Variants in CENPP observed in about 807,000 individuals in gnomAD.
CENPP encodes centromere protein P.
CENPP carries 24 observed loss-of-function variants against 35.6 expected under a neutral mutation model. That is an observed-to-expected ratio of 0.67 (90% CI 0.49 to 0.95). The LOEUF (loss-of-function observed/expected upper bound fraction) is 0.95, where lower values mean the gene tolerates loss of function less well. Ranked by LOEUF, CENPP falls within the 40% of genes least tolerant of loss-of-function variation. CENPP has a pLI of 0.00. For missense variants in CENPP, 332 were observed against 345.3 expected (o/e 0.96, Z 0.31); for synonymous variants, 120 against 125.5 (o/e 0.96, Z 0.29).
chr9:92,567,294 A>C (rs1210660804), intron 5 of CENPP, among the ~76,000 whole-genome samples: 1 of 149,796 alleles, frequency 6.7e-6, no homozygotes, highest in African/African-American at 2.5e-5. Context: ...CGTTTTCAAC[A>C]TGATTATAAG....
intron 5 of CENPP, among the ~76,000 whole-genome samples, chr9:92,596,088 C>A (rs1038469077): frequency 3.3e-5 from 5 of 152,022 alleles, no homozygotes; most frequent in Non-Finnish European, 7.4e-5. Context: ...TTATCAGGCA[C>A]CCTGCCAAAA....
intron 5 of CENPP, among the ~76,000 whole-genome samples, chr9:92,588,729 A>G (rs1419539120): frequency 1.3e-5 from 2 of 152,202 alleles, no homozygotes; most frequent in Non-Finnish European, 2.9e-5. Flanking sequence ...AAATAGCTGT[A>G]ATCAACAAAA....
chr9:92,381,059 A>G (rs1256171112), intron 5 of CENPP, among the ~76,000 whole-genome samples: 1 of 152,204 alleles, frequency 6.6e-6, no homozygotes, highest in Non-Finnish European at 1.5e-5. Context: ...TTTTGTAACC[A>G]TCACCACTGT....
At chr9:92,333,205 A>G (rs1168990360) in intron 2 of CENPP, among the ~76,000 whole-genome samples, 2 of 152,236 alleles carry the variant, frequency 1.3e-5, no homozygotes, top group Non-Finnish European at 2.9e-5. Flanking sequence ...CAAGAATAAC[A>G]TTCCCAAAAG....
intron 5 of CENPP, among the ~76,000 whole-genome samples, chr9:92,477,725 C>T (rs1845761156): frequency 6.6e-6 from 1 of 152,090 alleles, no homozygotes; most frequent in Non-Finnish European, 1.5e-5. Context: ...TCCCACACTT[C>T]CCTACTCAAA....
At chr9:92,405,554 G>A (rs966665501) in intron 5 of CENPP, among the ~76,000 whole-genome samples, 5 of 152,114 alleles carry the variant, frequency 3.3e-5, no homozygotes, top group African/African-American at 1.2e-4. Flanking sequence ...TCTGGCTTGA[G>A]TTGATATAAA....
At chr9:92,468,025 A>G (rs1845376922) in intron 5 of CENPP, among the ~76,000 whole-genome samples, 1 of 152,228 alleles carries the variant, frequency 6.6e-6, no homozygotes, top group African/African-American at 2.4e-5. Flanking sequence ...TTTAGCAGGA[A>G]TTATTACTCT....
At chr9:92,586,326 T>G (rs945402158) in intron 5 of CENPP, among the ~76,000 whole-genome samples, 9 of 152,160 alleles carry the variant, frequency 5.9e-5, no homozygotes, top group African/African-American at 2.2e-4. Context: ...ATTACAGGCA[T>G]GAGCCACCGC....
intron 5 of CENPP, among the ~76,000 whole-genome samples, chr9:92,573,834 A>C (rs1487193180): frequency 1.3e-5 from 2 of 152,200 alleles, no homozygotes; most frequent in Non-Finnish European, 2.9e-5. Context: ...GCCGCCTTGC[A>C]GTTGGATCTC....
chr9:92,386,052 T>G (rs1202784112), intron 5 of CENPP: 1 of 667,524 alleles, frequency 1.5e-6, no homozygotes, highest in Non-Finnish European at 2.6e-6. Flanking sequence ...AGCCTAGTAT[T>G]AATCTTTTTG....
In CENPP at chr9:92,376,833, G is replaced by T. The variant is rs147792997; in HGVS notation, c.468-2930G>T. On this transcript the variant is annotated intron_variant, in intron 4 of 7. Transcript: ENST00000375587. ...AGGTGGGCAGATCACCTGAGGTCAG[G>T]AGTTCGAGACCAGCCTGGCCAATAT... is the stretch of plus-strand genomic sequence containing the variant. 1.6e-4 allele frequency among the ~76,000 whole-genome samples: 25 copies of T among 152,234 alleles called. No individual in the cohort carries two copies. In the East Asian group the frequency reaches 4.6e-3, roughly 28 times the overall value.
At chr9:92,485,295 A>T (rs559212264) in intron 5 of CENPP, among the ~76,000 whole-genome samples, 7 of 152,282 alleles carry the variant, frequency 4.6e-5, no homozygotes, top group Admixed American at 4.6e-4. Context: ...TGCTTTTTAA[A>T]TTGTTTTATT....
intron 5 of CENPP, among the ~76,000 whole-genome samples, chr9:92,506,565 G>C (rs1000568103): frequency 1.3e-5 from 2 of 152,158 alleles, no homozygotes; most frequent in African/African-American, 4.8e-5. Context: ...CCCTTCATGG[G>C]CATTGCACCG....
intron 5 of CENPP, chr9:92,528,190 G>A (rs1848532238): frequency 6.6e-6 from 1 of 152,288 alleles, no homozygotes; most frequent in Non-Finnish European, 1.5e-5. Flanking sequence ...TATATCTGAA[G>A]CATTTTCCAA....
intron 5 of CENPP, among the ~76,000 whole-genome samples, chr9:92,498,985 A>G (rs1846516439): frequency 6.6e-6 from 1 of 152,228 alleles, no homozygotes; most frequent in Non-Finnish European, 1.5e-5. Flanking sequence ...CACAATTGAA[A>G]GGACCACGTC....
At chr9:92,376,747 A>G (rs1481501841) in intron 4 of CENPP, among the ~76,000 whole-genome samples, 1 of 152,192 alleles carries the variant, frequency 6.6e-6, no homozygotes, top group East Asian at 1.9e-4. Flanking sequence ...GACAAAGAAA[A>G]GGGAAGATGG....
chr9:92,552,120 TGATA>T lies in CENPP; in HGVS notation c.565-59190_565-59187del, dbSNP rs545350291. On this transcript the variant is annotated intron_variant, in intron 5 of 7. Transcript: ENST00000375587. ...ATAGATCTATCATATATATGTGATATGATAGATCTATCATATATATGTGATATGA... is the reference window on the plus strand; with the variant it reads ...ATAGATCTATCATATATATGTGATATGATCTATCATATATATGTGATATGA... Among the ~76,000 whole-genome samples the T allele has an allele frequency of 4.3e-4, 63 of 145,948 alleles. 6 individuals are homozygous for T. Among genetic ancestry groups the T allele is most frequent in the African/African-American group, 1.6e-3 (61 of 38,706 alleles).
chr9:92,505,616 T>G, intron 5 of CENPP: 1 of 1,611,594 alleles, frequency 6.2e-7, no homozygotes, highest in Non-Finnish European at 8.5e-7. Context: ...TTCAAAGGTT[T>G]GAAAGCTAAA....
intron 5 of CENPP, among the ~76,000 whole-genome samples, chr9:92,547,218 T>A (rs1445535955): frequency 1.3e-5 from 2 of 152,012 alleles, no homozygotes; most frequent in Non-Finnish European, 2.9e-5. Context: ...AGAAAGCAAA[T>A]GTTTACCATA....
Sources: gnomAD v4.1 joint callset for allele counts (sites outside exome capture counted in the v4.1 genomes callset) on GRCh38, gnomAD v4.1.1 for gene constraint, MANE v1.5 for transcripts, NCBI Gene and HGNC (gene_info 2026-07-23, HGNC 2026-07-21) for gene names.